Variants in ZDHHC11 observed in about 807,000 individuals in gnomAD.
The protein encoded by ZDHHC11 is palmitoyltransferase ZDHHC11.
A neutral mutation model predicts 51.3 loss-of-function variants in ZDHHC11; 44 were observed. The observed-to-expected ratio is 0.86, with a 90% CI of 0.67 to 1.10. The LOEUF (loss-of-function observed/expected upper bound fraction) is 1.10. Among genes scored for constraint, ZDHHC11 ranks in the 50% least tolerant of loss-of-function variants. The probability of loss-of-function intolerance (pLI) is 0.00; values close to 1 mark genes in which losing one functional copy is unlikely to be tolerated. For synonymous variants in ZDHHC11, 163 were observed against 222.0 expected (o/e 0.73, Z 2.36); for missense variants, 400 against 537.7 (o/e 0.74, Z 2.53).
At chr5:855,763 C>CAGCGGGGACAGACCCCACA (rs1560871906), upstream of ZDHHC11, among the ~76,000 whole-genome samples, 2 of 148,236 alleles carry the variant, frequency 1.3e-5, no homozygotes, top group Admixed American at 6.7e-5. Flanking sequence ...GGACAGCGAG[C>CAGCGGGGACAGACCCCACA]GAGGGTTACA....
upstream of ZDHHC11, among the ~76,000 whole-genome samples, chr5:853,332 C>T (rs1401969009): frequency 1.3e-5 from 2 of 148,406 alleles, no homozygotes; most frequent in Admixed American, 6.7e-5. Context: ...GCACAGACCC[C>T]GCAGAGGACA....
At chr5:857,971 C>T (rs1474735378) in intron 1 of ZDHHC11, among the ~76,000 whole-genome samples, 1 of 141,090 alleles carries the variant, frequency 7.1e-6, no homozygotes, top group African/African-American at 2.7e-5. Context: ...TCCTGGTCCC[C>T]GTCCTATCTT....
Position 797,214 on chromosome 5 carries a change from A to ATGTG in ZDHHC11, c.*8-638_*8-635dup, listed in dbSNP as rs376163224. 9.2e-3 allele frequency among the ~76,000 whole-genome samples: 1,371 copies of ATGTG among 148,728 alleles called. 17 individuals are homozygous for ATGTG. The highest frequency in any genetic ancestry group is 0.031 in the African/African-American group (1,239 of 40,032). ...ACAGCGAGACTCTGTCTAAATACAT[A>ATGTG]TGTGTGTGTGTGTATATATATATAT... On this transcript the variant is annotated intron_variant, in intron 12 of 12. Coordinates refer to ENST00000283441, the MANE Select transcript of ZDHHC11 (RefSeq NM_024786.3).
intron 7 of ZDHHC11, among the ~76,000 whole-genome samples, chr5:830,006 C>T (rs1447967459): frequency 6.7e-6 from 1 of 149,518 alleles, no homozygotes; most frequent in Admixed American, 6.6e-5. Flanking sequence ...TAAAAGCCCT[C>T]TATGACAAAC....
At chr5:810,909 AG>A in intron 11 of ZDHHC11, among the ~76,000 whole-genome samples, 1 of 152,248 alleles carries the variant, frequency 6.6e-6, no homozygotes, top group East Asian at 1.9e-4. Context: ...GCAACAATGT[AG>A]AGTTTAAAAA....
At chr5:848,929 A>G (rs968118921) in intron 1 of ZDHHC11, among the ~76,000 whole-genome samples, 16 of 145,260 alleles carry the variant, frequency 1.1e-4, no homozygotes, top group African/African-American at 3.7e-4. Flanking sequence ...CCAGCCCTGC[A>G]CAGCCAGCCC....
chr5:813,009 G>A (rs1006275108), intron 11 of ZDHHC11, among the ~76,000 whole-genome samples: 4 of 142,806 alleles, frequency 2.8e-5, no homozygotes. Flanking sequence ...TAAGTTCTGA[G>A]TATAAGTTAG....
At chr5:833,487 T>A in intron 7 of ZDHHC11, among the ~76,000 whole-genome samples, 2 of 151,924 alleles carry the variant, frequency 1.3e-5, no homozygotes. Flanking sequence ...CATGGAGAGA[T>A]GTAGAAATAA....
chr5:815,570 A>G (rs764613546), intron 10 of ZDHHC11, among the ~76,000 whole-genome samples: 1 of 151,268 alleles, frequency 6.6e-6, no homozygotes, highest in Non-Finnish European at 1.5e-5. Flanking sequence ...TCTTCTTTTT[A>G]ATTATATTTT....
rs576811744 is a variant in ZDHHC11, at chr5:808,900, G to A, written c.1181+5861C>T. Reference sequence around the variant, plus strand: ...TTTTTAGTAGAGACAGGGTTTCACCGTGTTAGCCAGGACAGTCTTGATCTC... The same window carrying A: ...TTTTTAGTAGAGACAGGGTTTCACCATGTTAGCCAGGACAGTCTTGATCTC... On this transcript the variant is annotated intron_variant, in intron 11 of 12. Transcript: ENST00000283441. Among the ~76,000 whole-genome samples the A allele has an allele frequency of 4.5e-3, 662 of 148,100 alleles. 3 individuals carry two copies. The highest frequency in any genetic ancestry group is 0.017 in the Middle Eastern group (5 of 290).
chr5:856,389 A>G (rs1436615718), intron 1 of ZDHHC11, among the ~76,000 whole-genome samples: 1 of 151,422 alleles, frequency 6.6e-6, no homozygotes, highest in Non-Finnish European at 1.5e-5. Context: ...CACAACACAT[A>G]CCACAGACAC....
chr5:833,252 C>T (rs1480346014), intron 7 of ZDHHC11, among the ~76,000 whole-genome samples: 15 of 152,296 alleles, frequency 9.8e-5, no homozygotes, highest in Admixed American at 3.9e-4. Flanking sequence ...CAAAATAAAA[C>T]GAACCGCACT....
intron 11 of ZDHHC11, among the ~76,000 whole-genome samples, chr5:801,659 T>G (rs1237682781): frequency 2.0e-5 from 3 of 151,294 alleles, no homozygotes; most frequent in Non-Finnish European, 4.4e-5. Flanking sequence ...AATGACTTGA[T>G]TGTTTATGTG....
chr5:828,234 T>G (rs1258794141), intron 7 of ZDHHC11, among the ~76,000 whole-genome samples: 1 of 151,476 alleles, frequency 6.6e-6, no homozygotes, highest in African/African-American at 2.4e-5. Flanking sequence ...CATGGCCCGT[T>G]CTCAGTGAGC....
At chr5:850,200 C>T in intron 1 of ZDHHC11, 181 bp downstream of exon 1, 2 of 683,484 alleles carry the variant, frequency 2.9e-6, no homozygotes, top group Non-Finnish European at 4.9e-6. Context: ...TGACCCTAAG[C>T]AGGGGCTGCA....
chr5:821,992 T>G, intron 8 of ZDHHC11, 97 bp from the exon 9 acceptor site: 2 of 1,106,950 alleles, frequency 1.8e-6, no homozygotes, highest in Non-Finnish European at 2.6e-6. Flanking sequence ...TGACAGTCAC[T>G]TCTGAGTAAT....
chr5:818,977 C>T (rs1187627449), intron 10 of ZDHHC11, among the ~76,000 whole-genome samples: 1 of 151,548 alleles, frequency 6.6e-6, no homozygotes, highest in Non-Finnish European at 1.5e-5. Flanking sequence ...AGGACGGACA[C>T]AGAGTCCATG....
upstream of ZDHHC11, among the ~76,000 whole-genome samples, chr5:852,131 A>C (rs563578223): frequency 2.6e-4 from 40 of 152,240 alleles, no homozygotes; most frequent in Non-Finnish European, 4.8e-4. Flanking sequence ...ACAACCCTGT[A>C]CATTAAAAAC....
upstream of ZDHHC11, among the ~76,000 whole-genome samples, chr5:852,729 A>G (rs1447555604): frequency 2.8e-5 from 4 of 141,936 alleles, no homozygotes; most frequent in Non-Finnish European, 6.0e-5. Flanking sequence ...GACCCCACAG[A>G]GGACAGCAAA....
Sources: gnomAD v4.1 joint callset for allele counts (sites outside exome capture counted in the v4.1 genomes callset) on GRCh38, gnomAD v4.1.1 for gene constraint, MANE v1.5 for transcripts, NCBI Gene and HGNC (gene_info 2026-07-23, HGNC 2026-07-21) for gene names.